Variants in KAT6B observed in about 807,000 individuals in gnomAD.
The protein encoded by KAT6B is histone acetyltransferase KAT6B.
KAT6B carries 10 observed loss-of-function variants against 187.5 expected under a neutral mutation model. That is an observed-to-expected ratio of 0.05 (90% confidence interval 0.03 to 0.09). KAT6B has a LOEUF of 0.09. Among genes scored for constraint, KAT6B ranks in the 10% least tolerant of loss-of-function variants. The pLI, the probability that KAT6B is intolerant of heterozygous loss-of-function variation, is 1.00. For missense variants in KAT6B, 1,952 were observed against 2,558.9 expected (o/e 0.76, Z 5.12); for synonymous variants, 861 against 926.8 (o/e 0.93, Z 1.29).
chr10:74,859,905 C>T (rs1843059243), intron 3 of KAT6B, among the ~76,000 whole-genome samples: 1 of 152,142 alleles, frequency 6.6e-6, no homozygotes, highest in Non-Finnish European at 1.5e-5. Context: ...GTAAATCTTG[C>T]TAGTGTATGA....
At chr10:74,876,188 T>G (rs1360659718) in intron 3 of KAT6B, among the ~76,000 whole-genome samples, 1 of 152,212 alleles carries the variant, frequency 6.6e-6, no homozygotes, top group Non-Finnish European at 1.5e-5. Flanking sequence ...TCTGAAATTG[T>G]AAATGTATCA....
At chr10:74,886,660 T>C (rs1653041725) in intron 3 of KAT6B, among the ~76,000 whole-genome samples, 1 of 152,134 alleles carries the variant, frequency 6.6e-6, no homozygotes, top group Non-Finnish European at 1.5e-5. Context: ...CACAGAAACA[T>C]AGGCTGCATC....
At chr10:74,994,287 C>T (rs1843285361) in intron 13 of KAT6B, among the ~76,000 whole-genome samples, 2 of 152,160 alleles carry the variant, frequency 1.3e-5, no homozygotes, top group African/African-American at 4.8e-5. Context: ...CCCCAAACAT[C>T]AAATTGTCCC....
chr10:75,016,071 TTACAG>T (rs1321269580), intron 13 of KAT6B, among the ~76,000 whole-genome samples: 1 of 152,224 alleles, frequency 6.6e-6, no homozygotes, highest in Non-Finnish European at 1.5e-5. Flanking sequence ...AGCGTTAACA[TTACAG>T]TTATTATGCT....
Position 74,843,399 on chromosome 10 carries a change from G to A in KAT6B, c.542G>A (p.Gly181Asp), listed in dbSNP as rs1169111632. 1 of 1,613,826 alleles carries A rather than the reference G, an allele frequency of 6.2e-7. No homozygotes were observed. The highest frequency in any genetic ancestry group is 1.7e-5 in the Admixed American group (1 of 59,974). ...QYRVNYGSLD[G>D]KGAPQYPSAF... ...AGGGTCAATTATGGGAGCTTAGATG[G>A]CAAAGGGGCACCTCAGTATCCCAGT... is the stretch of plus-strand genomic sequence containing the variant. The change falls in exon 3 of 18, where the codon GGC (glycine) becomes GAC (aspartate). Residue 181 changes from glycine (G) to aspartate (D), a missense_variant. Physicochemically the swap from Gly to Asp is moderately conservative, Grantham distance 94. Around this residue, in one of 9 missense-constraint regions of KAT6B, gnomAD observed 218 missense variants for 282.6 expected, o/e 0.77. Coordinates refer to ENST00000287239, the MANE Select transcript of KAT6B (RefSeq NM_012330.4).
intron 3 of KAT6B, among the ~76,000 whole-genome samples, chr10:74,857,346 A>T (rs1842888293): frequency 6.6e-6 from 1 of 152,224 alleles, no homozygotes; most frequent in African/African-American, 2.4e-5. Flanking sequence ...GAGGCTGCGC[A>T]TATTCCTTGA....
chr10:74,833,985 A>G (rs1841074777), intron 1 of KAT6B, among the ~76,000 whole-genome samples: 1 of 152,206 alleles, frequency 6.6e-6, no homozygotes, highest in Non-Finnish European at 1.5e-5. Context: ...TGCAGAGATG[A>G]AATACTGGTT....
intron 13 of KAT6B, among the ~76,000 whole-genome samples, chr10:74,999,840 T>A (rs549327616): frequency 6.6e-6 from 1 of 152,328 alleles, no homozygotes; most frequent in African/African-American, 2.4e-5. Flanking sequence ...CAACTGTATA[T>A]TAAGTGCGAT....
chr10:75,032,198 T>G lies in KAT6B; in HGVS notation c.*1152T>G, dbSNP rs1188341659. 5.2e-6 allele frequency: 1 copy of G among 193,456 alleles called. No individual in the cohort carries two copies. The highest frequency in any genetic ancestry group is 1.1e-5 in the Non-Finnish European group (1 of 92,638). The allele number at this position is 193,456 out of a possible 1,614,324, so 12.0% of individuals were successfully genotyped here. On this transcript the variant is annotated 3_prime_UTR_variant, in exon 18 of 18. Coordinates refer to ENST00000287239, the MANE Select transcript of KAT6B (RefSeq NM_012330.4). Reference sequence around the variant, plus strand: ...ATCCAGCGACACTCTTGTATTTATCTGTTCTCTTTTTAGTCAGTCACTTCA... The same window carrying G: ...ATCCAGCGACACTCTTGTATTTATCGGTTCTCTTTTTAGTCAGTCACTTCA...
chr10:74,959,115 A>G (rs1463103627), intron 3 of KAT6B, among the ~76,000 whole-genome samples: 3 of 152,018 alleles, frequency 2.0e-5, no homozygotes, highest in South Asian at 2.1e-4. Flanking sequence ...TTTGTTTGGT[A>G]TGGTGTGGTT....
At chr10:74,848,519 G>GAAC (rs369678724) in intron 3 of KAT6B, among the ~76,000 whole-genome samples, 98 of 150,754 alleles carry the variant, frequency 6.5e-4, no homozygotes, top group African/African-American at 2.1e-3. Context: ...ACAACAACAA[G>GAAC]AACAACAACA....
intron 3 of KAT6B, among the ~76,000 whole-genome samples, chr10:74,921,985 C>T (rs7086329): frequency 0.025 from 3,737 of 152,270 alleles, 157 homozygotes; most frequent in African/African-American, 0.085. Flanking sequence ...TATGGGGACA[C>T]AGCAGGGGGT....
At chr10:74,979,935 G>A (rs1309010609) in intron 10 of KAT6B, among the ~76,000 whole-genome samples, 4 of 152,202 alleles carry the variant, frequency 2.6e-5, no homozygotes, top group Non-Finnish European at 5.9e-5. Context: ...AAGGTGGGTG[G>A]ATCACCTGAG....
intron 1 of KAT6B, among the ~76,000 whole-genome samples, chr10:74,832,651 G>A (rs879729595): frequency 6.6e-6 from 1 of 151,772 alleles, no homozygotes; most frequent in Non-Finnish European, 1.5e-5. Flanking sequence ...ACAGGCATGC[G>A]CCACCACGCC....
chr10:74,916,457 A>G (rs989972437), intron 3 of KAT6B, among the ~76,000 whole-genome samples: 3 of 152,194 alleles, frequency 2.0e-5, no homozygotes, highest in African/African-American at 7.2e-5. Context: ...ATGTGCAGTG[A>G]TGTGTCAGAA....
intron 3 of KAT6B, among the ~76,000 whole-genome samples, chr10:74,853,982 T>A (rs1403151909): frequency 1.3e-5 from 2 of 152,178 alleles, no homozygotes; most frequent in African/African-American, 2.4e-5. Context: ...TTCTTGACTT[T>A]TTGTTTTGTT....
intron 3 of KAT6B, among the ~76,000 whole-genome samples, chr10:74,893,018 G>A (rs1845744197): frequency 6.6e-6 from 1 of 152,234 alleles, no homozygotes; most frequent in Non-Finnish European, 1.5e-5. Flanking sequence ...TGAAAGACTT[G>A]TCCTGCCTGC....
intron 3 of KAT6B, among the ~76,000 whole-genome samples, chr10:74,889,309 CT>C (rs1326747004): frequency 6.6e-6 from 1 of 152,150 alleles, no homozygotes; most frequent in Non-Finnish European, 1.5e-5. Flanking sequence ...GCCTGGATGT[CT>C]CTGATGTCTG....
intron 13 of KAT6B, among the ~76,000 whole-genome samples, chr10:74,990,229 A>AAAG (rs1339319251): frequency 7.1e-6 from 1 of 141,642 alleles, no homozygotes; most frequent in Non-Finnish European, 1.5e-5. Flanking sequence ...AAAAAAAAAA[A>AAAG]GTCTGTCGCT....
Sources: gnomAD v4.1 joint callset for allele counts (sites outside exome capture counted in the v4.1 genomes callset) on GRCh38, gnomAD v4.1.1 for gene constraint, gnomAD v4.1.1 regional missense constraint, MANE v1.5 for transcripts, NCBI Gene and HGNC (gene_info 2026-07-23, HGNC 2026-07-21) for gene names.